Variants in RIMS2 observed in about 807,000 individuals in gnomAD.
RIMS2 encodes regulating synaptic membrane exocytosis 2, also known as regulating synaptic membrane exocytosis protein 2.
A neutral mutation model predicts 174.4 loss-of-function variants in RIMS2; 59 were observed. The observed-to-expected ratio is 0.34, with a 90% CI of 0.27 to 0.42. The LOEUF is 0.42. Ranked by LOEUF, RIMS2 falls within the 10% of genes least tolerant of loss-of-function variation. RIMS2 has a pLI of 1.00. For synonymous variants in RIMS2, 606 were observed against 572.5 expected (o/e 1.06, Z -0.84); for missense variants, 1,620 against 1,666.3 (o/e 0.97, Z 0.48).
chr8:103,833,911 G>A (rs531214649), intron 3 of RIMS2, among the ~76,000 whole-genome samples: 14 of 152,270 alleles, frequency 9.2e-5, no homozygotes, highest in Non-Finnish European at 1.8e-4. Context: ...TATCAGGTAA[G>A]TTTGAAGTGT....
intron 10 of RIMS2, among the ~76,000 whole-genome samples, chr8:103,923,856 A>G (rs1163470146): frequency 1.3e-5 from 2 of 151,778 alleles, no homozygotes; most frequent in African/African-American, 2.4e-5. Flanking sequence ...TGACACTGAA[A>G]TATAACCATT....
chr8:103,820,462 G>A (rs566029318), intron 3 of RIMS2, among the ~76,000 whole-genome samples: 1 of 151,880 alleles, frequency 6.6e-6, no homozygotes, highest in South Asian at 2.1e-4. Context: ...TCTGGAAACC[G>A]ATGGGGAACT....
At chr8:104,100,936 TATATATTATATAGTATATATG>T (rs1405257361) in intron 19 of RIMS2, among the ~76,000 whole-genome samples, 40 of 108,360 alleles carry the variant, frequency 3.7e-4, no homozygotes, top group South Asian at 1.5e-3. Flanking sequence ...TGTGATATAT[TATATATTATATAGTATATATG>T]ATATATTATA....
At chr8:104,073,754 C>G (rs185413020) in intron 19 of RIMS2, among the ~76,000 whole-genome samples, 1 of 152,300 alleles carries the variant, frequency 6.6e-6, no homozygotes, top group East Asian at 1.9e-4. Flanking sequence ...ACCCTAGGCA[C>G]TTTTCACCTA....
chr8:104,203,606 C>A (rs887238661), intron 19 of RIMS2, among the ~76,000 whole-genome samples: 1 of 148,304 alleles, frequency 6.7e-6, no homozygotes, highest in Non-Finnish European at 1.5e-5. Flanking sequence ...TGGGTTCAAG[C>A]GATTCTCCTG....
intron 19 of RIMS2, among the ~76,000 whole-genome samples, chr8:104,173,380 C>T (rs2098843267): frequency 6.6e-6 from 1 of 152,024 alleles, no homozygotes; most frequent in Non-Finnish European, 1.5e-5. Context: ...TGTGCTGCTT[C>T]CTGATCTGTG....
chr8:103,674,754 G>C (rs890606435), intron 1 of RIMS2, among the ~76,000 whole-genome samples: 5 of 151,772 alleles, frequency 3.3e-5, no homozygotes, highest in Non-Finnish European at 7.4e-5. Flanking sequence ...ATTTTGAACT[G>C]TTTTATATCA....
chr8:103,848,117 C>T (rs1186935795), intron 3 of RIMS2, among the ~76,000 whole-genome samples: 1 of 152,190 alleles, frequency 6.6e-6, no homozygotes. Flanking sequence ...CTATTCACCA[C>T]TATTCCTGTC....
chr8:104,153,169 C>T (rs1001933437), intron 19 of RIMS2, among the ~76,000 whole-genome samples: 2 of 152,116 alleles, frequency 1.3e-5, no homozygotes, highest in African/African-American at 4.8e-5. Flanking sequence ...TTGTATGTTC[C>T]ATTGCCTGTT....
intron 1 of RIMS2, among the ~76,000 whole-genome samples, chr8:103,646,171 G>T (rs1451808833): frequency 6.6e-6 from 1 of 152,048 alleles, no homozygotes; most frequent in African/African-American, 2.4e-5. Flanking sequence ...TTTTGTGGTG[G>T]AATGTCATCA....
intron 3 of RIMS2, among the ~76,000 whole-genome samples, chr8:103,814,807 A>C (rs1278302427): frequency 6.6e-6 from 1 of 152,180 alleles, no homozygotes; most frequent in Admixed American, 6.5e-5. Flanking sequence ...TGAACCCAGG[A>C]GTTCGGAGTT....
At chr8:103,612,153 T>C (rs990251423) in intron 1 of RIMS2, among the ~76,000 whole-genome samples, 7 of 152,182 alleles carry the variant, frequency 4.6e-5, no homozygotes, top group Non-Finnish European at 1.0e-4. Flanking sequence ...TTAATCTCTT[T>C]GTTGAATTTA....
At chr8:104,008,569 A>G (rs1276303788) in intron 17 of RIMS2, among the ~76,000 whole-genome samples, 2 of 151,614 alleles carry the variant, frequency 1.3e-5, no homozygotes, top group African/African-American at 4.8e-5. Flanking sequence ...TTTCTTGAGG[A>G]AATTGGGACG....
At chr8:103,867,610 T>C (rs949380478) in intron 3 of RIMS2, among the ~76,000 whole-genome samples, 1 of 151,948 alleles carries the variant, frequency 6.6e-6, no homozygotes, top group African/African-American at 2.4e-5. Flanking sequence ...AAAGTAGCAA[T>C]TGAGAGGAAT....
intron 19 of RIMS2, 34 bp from the exon 24 acceptor site, chr8:104,093,437 C>G: frequency 1.3e-6 from 2 of 1,482,446 alleles, no homozygotes; most frequent in African/African-American, 1.4e-5. Context: ...GTAATACTGA[C>G]AACTTCTGCG....
Position 103,751,452 on chromosome 8 carries a change from G to A in RIMS2, c.388-14775G>A, listed in dbSNP as rs571665337. ...AGCAGCATGATTTATAATCCTTTGG[G>A]TATATACCCAGTAATGGGATGTCTG... On this transcript the variant is annotated intron_variant, in intron 2 of 23. Transcript: ENST00000504942. Among the ~76,000 whole-genome samples the A allele has an allele frequency of 1.7e-4, 26 of 151,798 alleles. 1 individual carries two copies. The highest frequency in any genetic ancestry group is 6.3e-4 in the African/African-American group (26 of 41,336).
At position 104,049,341 on chromosome 8, in the gene RIMS2, C is replaced by A. The variant is rs752017181; in HGVS notation, c.3334+34726C>A. ...GGCTGAGGCAGGAGAATGGCGTGAA[C>A]CCGAACCCGGGAGGCGGAGCTTGCA... On this transcript the variant is annotated intron_variant, in intron 19 of 23. Transcript: ENST00000504942. 1.1e-4 allele frequency among the ~76,000 whole-genome samples: 16 copies of A among 152,106 alleles called. No homozygotes were observed. The South Asian group carries it at 3.3e-3, about 32-fold the overall frequency.
At chr8:103,570,284 G>T (rs895932499) in intron 1 of RIMS2, among the ~76,000 whole-genome samples, 3 of 152,078 alleles carry the variant, frequency 2.0e-5, no homozygotes, top group East Asian at 1.9e-4. Context: ...TCTCCACAAA[G>T]AATAGAGTTT....
At chr8:103,624,605 C>G (rs1413615807) in intron 1 of RIMS2, among the ~76,000 whole-genome samples, 2 of 152,152 alleles carry the variant, frequency 1.3e-5, no homozygotes, top group Non-Finnish European at 2.9e-5. Context: ...TCTAACTTTG[C>G]TATACATGTG....
Sources: allele counts gnomAD v4.1 joint callset (sites outside exome capture counted in the v4.1 genomes callset), GRCh38; gene constraint gnomAD v4.1.1; transcripts MANE v1.5; gene names NCBI Gene and HGNC (gene_info 2026-07-23, HGNC 2026-07-21).